Variants in QKI observed in about 807,000 individuals in gnomAD.
QKI encodes KH domain-containing RNA-binding protein QKI.
Under a neutral mutation model 39.0 loss-of-function variants are expected in QKI, and 10 were observed. The observed-to-expected ratio is 0.26, with a 90% CI of 0.16 to 0.43. The LOEUF is 0.43. Among genes scored for constraint, QKI ranks in the 20% least tolerant of loss-of-function variants. The pLI, the probability that QKI is intolerant of heterozygous loss-of-function variation, is 1.00. For synonymous variants in QKI, 204 were observed against 155.4 expected, an observed-to-expected ratio of 1.31 and a Z score of -2.33; for missense variants, 218 against 428.0, an observed-to-expected ratio of 0.51 and a Z score of 4.33.
At chr6:163,528,999 CTCCTGT>C (rs1780682630) in intron 3 of QKI, among the ~76,000 whole-genome samples, 1 of 152,164 alleles carries the variant, frequency 6.6e-6, no homozygotes, top group Admixed American at 6.5e-5. Flanking sequence ...CCCATCTTGT[CTCCTGT>C]TCTTCTGATA....
At chr6:163,539,081 A>C (rs1781364594) in intron 4 of QKI, among the ~76,000 whole-genome samples, 1 of 152,200 alleles carries the variant, frequency 6.6e-6, no homozygotes, top group Non-Finnish European at 1.5e-5. Context: ...TATCATCAAG[A>C]AATTGGATAT....
chr6:163,502,134 G>A (rs1778808409), intron 3 of QKI, among the ~76,000 whole-genome samples: 1 of 151,994 alleles, frequency 6.6e-6, no homozygotes, highest in African/African-American at 2.4e-5. Flanking sequence ...ACCAGACTGG[G>A]CAACACAGCG....
intron 1 of QKI, among the ~76,000 whole-genome samples, chr6:163,454,845 C>T (rs1055468886): frequency 3.3e-5 from 5 of 152,202 alleles, no homozygotes; most frequent in South Asian, 4.2e-4. Context: ...GAAGTGGTCC[C>T]GTTTAAATAT....
chr6:163,524,659 GTT>G, intron 3 of QKI, among the ~76,000 whole-genome samples: 1 of 151,984 alleles, frequency 6.6e-6, no homozygotes, highest in African/African-American at 2.4e-5. Flanking sequence ...TAGAGACGGG[GTT>G]TCTCCATGTT....
At chr6:163,447,848 C>T (rs1790266931) in intron 1 of QKI, among the ~76,000 whole-genome samples, 1 of 152,130 alleles carries the variant, frequency 6.6e-6, no homozygotes, top group South Asian at 2.1e-4. Flanking sequence ...GTAAGCTTTT[C>T]TGCTTTCTAC....
chr6:163,569,570 GTTGA>G (rs1783581344), intron 7 of QKI: 1 of 1,147,074 alleles, frequency 8.7e-7, no homozygotes, highest in Non-Finnish European at 1.1e-6. Flanking sequence ...TGTGACAAAG[GTTGA>G]TTAAGGAAGG....
chr6:163,513,015 C>G (rs1053934864), intron 3 of QKI, among the ~76,000 whole-genome samples: 1 of 152,138 alleles, frequency 6.6e-6, no homozygotes, highest in Non-Finnish European at 1.5e-5. Context: ...GTACAAGATG[C>G]TTCGAGAGAT....
Position 163,576,008 on chromosome 6 carries a change from T to G in QKI, c.*5298T>G, listed in dbSNP as rs1457006528. ...AACTTACTGCCAAATGATTATTTAT[T>G]TAGCAAAAATTATTCTCCAACTTTT... On this transcript the variant is annotated 3_prime_UTR_variant, in exon 8 of 8. Transcript: ENST00000361752. 6.6e-6 allele frequency: 1 copy of G among 152,162 alleles called. No individual in the cohort carries two copies. The highest frequency in any genetic ancestry group is 2.4e-5 in the African/African-American group (1 of 41,422). The allele number at this position is 152,162 out of a possible 1,614,324, so 9.4% of individuals were successfully genotyped here.
At chr6:163,494,603 A>G (rs936297047) in intron 3 of QKI, among the ~76,000 whole-genome samples, 3 of 151,760 alleles carry the variant, frequency 2.0e-5, no homozygotes, top group Non-Finnish European at 2.9e-5. Context: ...CAGTTCATAC[A>G]CTGTTAAAAA....
At chr6:163,503,823 TC>T (rs1335673410) in intron 3 of QKI, among the ~76,000 whole-genome samples, 1 of 152,060 alleles carries the variant, frequency 6.6e-6, no homozygotes, top group African/African-American at 2.4e-5. Context: ...CACTGCAACT[TC>T]CGCCTCCTGG....
chr6:163,525,108 T>G (rs536589818), intron 3 of QKI, among the ~76,000 whole-genome samples: 1 of 152,302 alleles, frequency 6.6e-6, no homozygotes, highest in Admixed American at 6.5e-5. Context: ...TTGTTTTGTT[T>G]TGAATCTCTG....
chr6:163,576,560 T>G lies in QKI; in HGVS notation c.*5850T>G, dbSNP rs968255766. ...TGGTATGTATGAAACATTTAAAATT[T>G]TACTGTGGAAATTGTGTATATATAT... On this transcript the variant is annotated 3_prime_UTR_variant, in exon 8 of 8. Coordinates refer to ENST00000361752, the MANE Select transcript of QKI (RefSeq NM_006775.3). 5 of 151,638 alleles carry G rather than the reference T, an allele frequency of 3.3e-5. No homozygotes were observed. The highest frequency in any genetic ancestry group is 7.4e-5 in the Non-Finnish European group (5 of 68,002). The allele number at this position is 151,638 out of a possible 1,614,324, so 9.4% of individuals were successfully genotyped here.
intron 1 of QKI, among the ~76,000 whole-genome samples, chr6:163,451,030 A>G (rs897077112): frequency 9.9e-5 from 15 of 152,244 alleles, no homozygotes; most frequent in African/African-American, 3.1e-4. Context: ...CTCGGAGACT[A>G]TTCATCCTTA....
chr6:163,549,074 A>C (rs114033258), intron 4 of QKI, among the ~76,000 whole-genome samples: 4 of 152,128 alleles, frequency 2.6e-5, no homozygotes, highest in Non-Finnish European at 5.9e-5. Flanking sequence ...ATAGTTCCAC[A>C]TGGCTGGGGA....
chr6:163,563,521 C>T lies in QKI; in HGVS notation c.736C>T (p.Pro246Ser). 6.2e-7 allele frequency: 1 copy of T among 1,614,196 alleles called. No homozygotes were observed. Among genetic ancestry groups the T allele is most frequent in the Non-Finnish European group, 8.5e-7 (1 of 1,180,028 alleles). The change falls in exon 6 of 8, where the codon CCA becomes TCA. Residue 246 changes from proline to serine, a missense_variant. Physicochemically the swap from Pro to Ser is moderately conservative, Grantham distance 74. This residue lies in a region of QKI where 117 missense variants were observed against 186.0 expected (regional missense o/e 0.63). Transcript: ENST00000361752. ...LPPAALRTPT[P>S]AGPTIMPLIR... ...ACCAGCTGCCCTGCGTACTCCTACG[C>T]CAGCTGGCCCTACCATAATGCCTTT...
At chr6:163,483,128 A>C (rs956283859) in intron 3 of QKI, among the ~76,000 whole-genome samples, 26 of 152,344 alleles carry the variant, frequency 1.7e-4, no homozygotes, top group Admixed American at 8.5e-4. Flanking sequence ...TTTATACCAT[A>C]CTATAGTCTA....
intron 1 of QKI, among the ~76,000 whole-genome samples, chr6:163,452,245 A>G (rs1472268771): frequency 2.0e-5 from 3 of 152,240 alleles, no homozygotes; most frequent in Admixed American, 6.5e-5. Flanking sequence ...AAGGTAGTAC[A>G]TAGTTGGCCA....
chr6:163,491,583 A>G (rs1405927757), intron 3 of QKI, among the ~76,000 whole-genome samples: 1 of 152,090 alleles, frequency 6.6e-6, no homozygotes, highest in East Asian at 1.9e-4. Flanking sequence ...TAAGGACTCA[A>G]ATGGCTTAGC....
At chr6:163,557,079 C>T (rs1472075107) in intron 4 of QKI, among the ~76,000 whole-genome samples, 1 of 151,976 alleles carries the variant, frequency 6.6e-6, no homozygotes, top group Non-Finnish European at 1.5e-5. Context: ...AAAGTGGAAA[C>T]AATCAAATGT....
Sources: allele counts gnomAD v4.1 joint callset (sites outside exome capture counted in the v4.1 genomes callset), GRCh38; gene constraint gnomAD v4.1.1; regional missense constraint gnomAD v4.1.1; transcripts MANE v1.5; gene names NCBI Gene and HGNC (gene_info 2026-07-23, HGNC 2026-07-21).